Variants in PARK7 observed in about 807,000 individuals in gnomAD.
The protein encoded by PARK7 is Parkinsonism associated deglycase, also known as Parkinson disease protein 7.
In PARK7, 14 loss-of-function variants were observed where a neutral mutation model predicts 20.5. That is an observed-to-expected ratio of 0.68 (90% CI 0.45 to 1.07). The LOEUF (loss-of-function observed/expected upper bound fraction) is 1.07, where lower values mean the gene tolerates loss of function less well. PARK7 is among the 50% of genes least tolerant of loss of function. The probability of loss-of-function intolerance (pLI) is 0.00; values close to 1 mark genes in which losing one functional copy is unlikely to be tolerated. For missense variants in PARK7, 234 were observed against 238.1 expected (o/e 0.98, Z 0.11); for synonymous variants, 98 against 84.3 (o/e 1.16, Z -0.89).
chr1:7,965,689 G>C (rs1326802126), intron 3 of PARK7, among the ~76,000 whole-genome samples: 1 of 152,158 alleles, frequency 6.6e-6, no homozygotes, highest in Non-Finnish European at 1.5e-5. Context: ...GTGGGTTGGT[G>C]CTTAGATGGA....
At chr1:7,966,986 C>T (rs1351452882) in intron 3 of PARK7, among the ~76,000 whole-genome samples, 1 of 152,102 alleles carries the variant, frequency 6.6e-6, no homozygotes, top group South Asian at 2.1e-4. Flanking sequence ...AGTCATTCTA[C>T]GGGGGTATAG....
chr1:7,981,825 ATTTT>A (rs901626157), intron 6 of PARK7, among the ~76,000 whole-genome samples: 1 of 151,178 alleles, frequency 6.6e-6, no homozygotes, highest in Non-Finnish European at 1.5e-5. Context: ...CGCCTGGCTT[ATTTT>A]TTGTATTTTT....
chr1:7,982,534 CTGACAAGAA>C (rs1284741503), intron 6 of PARK7, among the ~76,000 whole-genome samples: 14 of 152,144 alleles, frequency 9.2e-5, no homozygotes, highest in Non-Finnish European at 1.5e-4. Context: ...GGTTAAAAGT[CTGACAAGAA>C]CCGTAGAACC....
In PARK7 at chr1:7,977,681, G is replaced by C. The variant is rs1640613655; in HGVS notation, c.352G>C (p.Gly118Arg). The change falls in exon 6 of 7, where the codon GGT becomes CGT. Residue 118 changes from glycine to arginine, a missense_variant. Gly to Arg is a moderately radical substitution (Grantham distance 125). Coordinates refer to ENST00000338639, the MANE Select transcript of PARK7 (RefSeq NM_007262.5). Reference protein sequence around the residue: ...GPTALLAHEIGFGSKVTTHPL... With the variant: ...GPTALLAHEIRFGSKVTTHPL... ...TACTGCTCTGTTGGCTCATGAAATA[G>C]GTTTTGGAAGTAAAGTTACAACACA... is the stretch of plus-strand genomic sequence containing the variant. 1 of 1,614,094 alleles carries C rather than the reference G, an allele frequency of 6.2e-7. No individual in the cohort carries two copies. The highest frequency in any genetic ancestry group is 8.5e-7 in the Non-Finnish European group (1 of 1,179,988).
intron 6 of PARK7, among the ~76,000 whole-genome samples, chr1:7,983,522 A>G (rs1640754876): frequency 6.6e-6 from 1 of 152,248 alleles, no homozygotes; most frequent in African/African-American, 2.4e-5. Flanking sequence ...CCCAGAGAGC[A>G]GGTTCCTTTC....
At chr1:7,973,735 TAATAAA>T (rs1295735004) in intron 5 of PARK7, among the ~76,000 whole-genome samples, 1 of 145,264 alleles carries the variant, frequency 6.9e-6, no homozygotes, top group Non-Finnish European at 1.5e-5. Flanking sequence ...TAAAATAAAA[TAATAAA>T]AATAAAAATA....
intron 5 of PARK7, chr1:7,971,209 C>T (rs1412678108): frequency 1.8e-6 from 1 of 545,722 alleles, no homozygotes; most frequent in Non-Finnish European, 3.3e-6. Flanking sequence ...TTTGGTTGAC[C>T]TCGGAGGAAA....
chr1:7,970,220 G>A (rs1376446428), intron 4 of PARK7, among the ~76,000 whole-genome samples: 1 of 152,138 alleles, frequency 6.6e-6, no homozygotes, highest in Non-Finnish European at 1.5e-5. Flanking sequence ...TGTTGCCATG[G>A]AAGTAAGCTG....
At chr1:7,976,112 T>C (rs1315490794) in intron 5 of PARK7, among the ~76,000 whole-genome samples, 1 of 152,208 alleles carries the variant, frequency 6.6e-6, no homozygotes, top group Non-Finnish European at 1.5e-5. Flanking sequence ...GTATATTATA[T>C]AATTCCTTCC....
Position 7,984,449 on chromosome 1 carries a change from C to T in PARK7, c.410-445C>T, listed in dbSNP as rs1009705351. 2.0e-5 allele frequency among the ~76,000 whole-genome samples: 3 copies of T among 152,208 alleles called. No individual in the cohort carries two copies. Among genetic ancestry groups the T allele is most frequent in the Admixed American group, 6.5e-5 (1 of 15,280 alleles). ...CTCACATGCATACCCGCCTCCATTA[C>T]GTTGTGCTGTGGTTGTTTTTGAGGC... On this transcript the variant is annotated intron_variant, in intron 6 of 6. Coordinates refer to ENST00000338639, the MANE Select transcript of PARK7 (RefSeq NM_007262.5). This position sits in a 1 kb window ranked among gnomAD's most constrained non-coding sequence, Gnocchi z 4.3.
intron 6 of PARK7, among the ~76,000 whole-genome samples, chr1:7,980,109 T>C (rs1385632616): frequency 4.2e-5 from 6 of 144,326 alleles, no homozygotes; most frequent in South Asian, 2.1e-4. Flanking sequence ...TGCAGTGAGC[T>C]GAGATCGTGC....
intron 3 of PARK7, among the ~76,000 whole-genome samples, chr1:7,968,236 A>G (rs746321129): frequency 2.0e-5 from 3 of 148,828 alleles, no homozygotes; most frequent in African/African-American, 7.5e-5. Flanking sequence ...TGAATCCGGG[A>G]GACGGAAGTT....
chr1:7,963,395 T>TC lies in PARK7; in HGVS notation c.90+520_90+521insC, dbSNP rs561016121. Among the ~76,000 whole-genome samples, 12 of 151,508 alleles carry TC rather than the reference T, an allele frequency of 7.9e-5. 1 individual carries two copies. In the East Asian group the frequency reaches 1.6e-3, roughly 20 times the overall value. On this transcript the variant is annotated intron_variant, in intron 2 of 6. Transcript: ENST00000338639. ...CCATTTCTTTTTTCTTCTTTTTTTT[T>TC]TTTTTTGAGATGGTGTCTCTCTGTG...
rs563087416 is a variant in PARK7 at position 7,965,656 on chromosome 1, C to T, written c.192+231C>T. ...GTGGGTGGCTGGATGGGTAGGTGGCCGGTTGGATGTGTGGCCAGATGGGTG... is the reference window on the plus strand; with the variant it reads ...GTGGGTGGCTGGATGGGTAGGTGGCTGGTTGGATGTGTGGCCAGATGGGTG... On this transcript the variant is annotated intron_variant, in intron 3 of 6. Coordinates refer to ENST00000338639, the MANE Select transcript of PARK7 (RefSeq NM_007262.5). Among the ~76,000 whole-genome samples, 310 of 152,146 alleles carry T rather than the reference C, an allele frequency of 2.0e-3. 1 individual carries two copies. Among genetic ancestry groups the T allele is most frequent in the Non-Finnish European group, 1.1e-3 (75 of 67,992 alleles).
chr1:7,974,298 C>T (rs1640527754), intron 5 of PARK7, among the ~76,000 whole-genome samples: 1 of 151,210 alleles, frequency 6.6e-6, no homozygotes. Context: ...TGCACTTGAG[C>T]CTAAAGGACA....
rs530448943 is a variant in PARK7 at position 7,982,691 on chromosome 1, G to A, written c.410-2203G>A. ...TCTCACTGTCGCTCTGGAAGACCTA[G>A]CCCAGCCAGTTTCTAGGTTAGCATT... On this transcript the variant is annotated intron_variant, in intron 6 of 6. Coordinates refer to ENST00000338639, the MANE Select transcript of PARK7 (RefSeq NM_007262.5). 3.3e-5 allele frequency among the ~76,000 whole-genome samples: 5 copies of A among 152,284 alleles called. 1 individual carries two copies. In the South Asian group the frequency reaches 8.3e-4, roughly 25 times the overall value.
Position 7,985,137 on chromosome 1 carries a change from T to C in PARK7, c.*83T>C. 6.5e-7 allele frequency: 1 copy of C among 1,534,432 alleles called. No homozygotes were observed. Among genetic ancestry groups the C allele is most frequent in the Non-Finnish European group, 8.8e-7 (1 of 1,133,774 alleles). On this transcript the variant is annotated 3_prime_UTR_variant, in exon 7 of 7. Transcript: ENST00000338639. ...GTGTTCGCTCTAAACAAAACAGTGG[T>C]AGGTTAATGTGTTCAGAAGTCGCTG...
At chr1:7,963,041 C>T (rs111638937) in intron 2 of PARK7, among the ~76,000 whole-genome samples, 166 bp downstream of exon 2, 14 of 152,242 alleles carry the variant, frequency 9.2e-5, no homozygotes, top group African/African-American at 2.9e-4. Flanking sequence ...TCACATTTAA[C>T]GCTTGTTAAT....
intron 5 of PARK7, among the ~76,000 whole-genome samples, chr1:7,976,324 A>G (rs1640583125): frequency 1.3e-5 from 2 of 152,210 alleles, no homozygotes; most frequent in Admixed American, 1.3e-4. Flanking sequence ...TGTGGCTTAG[A>G]GGAAAAAGGT....
Sources: allele counts gnomAD v4.1 joint callset (sites outside exome capture counted in the v4.1 genomes callset), GRCh38; gene constraint gnomAD v4.1.1; non-coding constraint Gnocchi (gnomAD v3.1); transcripts MANE v1.5; gene names NCBI Gene and HGNC (gene_info 2026-07-23, HGNC 2026-07-21).